CHRDL2: variants seen among roughly 807,000 people sequenced by gnomAD.
CHRDL2 encodes the protein chordin-like protein 2.
In CHRDL2, 41 loss-of-function variants were observed where a neutral mutation model predicts 54.3. That is an observed-to-expected ratio of 0.76 (90% confidence interval 0.59 to 0.98). The LOEUF (loss-of-function observed/expected upper bound fraction) is 0.98, where lower values mean the gene tolerates loss of function less well. Among genes scored for constraint, CHRDL2 ranks in the 50% least tolerant of loss-of-function variants. The pLI is 0.00. For synonymous variants in CHRDL2, 220 were observed against 224.3 expected (o/e 0.98, Z 0.17); for missense variants, 518 against 562.4 (o/e 0.92, Z 0.80).
At position 74,730,957 on chromosome 11, in the gene CHRDL2, A is replaced by C. The variant is rs1430969944; in HGVS notation, c.-69T>G. 2 of 1,322,012 alleles carry C rather than the reference A, an allele frequency of 1.5e-6. No homozygotes were observed. Among genetic ancestry groups the C allele is most frequent in the African/African-American group, 2.9e-5 (2 of 69,130 alleles). 81.9% of individuals were successfully genotyped at this position (1,322,012 alleles called of 1,614,324 possible). A position where few individuals can be genotyped will look rare whatever the true frequency, so the allele number is the denominator to read the frequency against. On this transcript the variant is annotated 5_prime_UTR_variant, in exon 1 of 11. Transcript: ENST00000376332. ...AGGAAGGGAGACGAAAAGGACACGG[A>C]GGCACAGGGGCCACAGATCAACCCA...
chr11:74,697,100 A>C (rs1426231316), intron 10 of CHRDL2, 105 bp downstream of exon 10: 3 of 811,016 alleles, frequency 3.7e-6, no homozygotes, highest in Non-Finnish European at 6.2e-6. Context: ...TGTGGCTGAC[A>C]GCCCCTCCTC....
Position 74,706,479 on chromosome 11 carries a change from GCACTCAC to G in CHRDL2, c.582+1_582+7del. 6.2e-7 allele frequency: 1 copy of G among 1,613,846 alleles called. No homozygotes were observed. Among genetic ancestry groups the G allele is most frequent in the Non-Finnish European group, 8.5e-7 (1 of 1,179,790 alleles). On this transcript the variant is annotated splice_donor_variant and splice_donor_5th_base_variant and intron_variant, in intron 6 of 10. Transcript: ENST00000376332. LOFTEE classifies it high-confidence loss of function. ...TCCCGCACCCCGTCAATAAGGCCGT[GCACTCAC>G]CACCCCATGGAGCGACTGCACACTG...
chr11:74,711,076 G>C (rs1326679224), intron 3 of CHRDL2, 85 bp from the exon 4 acceptor site: 2 of 1,452,734 alleles, frequency 1.4e-6, no homozygotes, highest in Non-Finnish European at 1.9e-6. Flanking sequence ...CTTTTCTGAT[G>C]ATTTTGCATT....
chr11:74,724,079 C>A (rs1386800808), intron 1 of CHRDL2, among the ~76,000 whole-genome samples: 1 of 152,220 alleles, frequency 6.6e-6, no homozygotes, highest in Admixed American at 6.5e-5. Flanking sequence ...CAGATAGATA[C>A]AATACATTCA....
At position 74,710,914 on chromosome 11, in the gene CHRDL2, T is replaced by C. The variant is rs756771375; in HGVS notation, c.367A>G (p.Ile123Val). The change falls in exon 4 of 11, where the codon ATC becomes GTC. Residue 123 changes from isoleucine to valine, a missense_variant. By Grantham distance (29) the Ile-to-Val change is conservative. Coordinates refer to ENST00000376332, the MANE Select transcript of CHRDL2 (RefSeq NM_001278473.3). ...GGGAACAGCTCATGGGCACTGAAGA[T>C]CTCTCCGTGTTGGTACATGGTCCCG... ...HNGTMYQHGE[I>V]FSAHELFPSR... 1.1e-5 allele frequency: 17 copies of C among 1,613,964 alleles called. No individual in the cohort carries two copies. The highest frequency in any genetic ancestry group is 1.4e-5 in the Non-Finnish European group (16 of 1,180,012).
chr11:74,698,714 CA>C lies in CHRDL2; in HGVS notation c.1121-1418del, dbSNP rs774298910. The stretch of plus-strand genomic sequence containing the variant: ...ACACACACACACACACACACACACA[CA>C]CACACACCCCACATACCCAGTCTAG... On this transcript the variant is annotated intron_variant, in intron 9 of 10. Coordinates refer to ENST00000376332, the MANE Select transcript of CHRDL2 (RefSeq NM_001278473.3). The C allele has an allele frequency of 3.3e-3, 493 of 150,122 alleles. 6 individuals are homozygous for C. Among genetic ancestry groups the C allele is most frequent in the East Asian group, 0.018 (95 of 5,172 alleles). 9.3% of individuals were successfully genotyped at this position (150,122 alleles called of 1,614,324 possible).
Position 74,702,837 on chromosome 11 carries a change from C to T in CHRDL2, c.1077G>A (p.Glu359=). 6.2e-7 allele frequency: 1 copy of T among 1,614,060 alleles called. No homozygotes were observed. Among genetic ancestry groups the T allele is most frequent in the Non-Finnish European group, 8.5e-7 (1 of 1,179,988 alleles). The change falls in exon 9 of 11, where the codon GAG becomes GAA. Residue 359 remains glutamate, a synonymous_variant. Coordinates refer to ENST00000376332, the MANE Select transcript of CHRDL2 (RefSeq NM_001278473.3). ...DNLRRFALEH[E]ASDLVEIYLW... Reference sequence around the variant, plus strand: ...GGTAGATCTCCACCAAGTCCGAGGCCTCGTGTTCCAGGGCAAAGCGACGCA... The same window carrying T: ...GGTAGATCTCCACCAAGTCCGAGGCTTCGTGTTCCAGGGCAAAGCGACGCA...
At chr11:74,704,971 G>T (rs112254138) in intron 6 of CHRDL2, among the ~76,000 whole-genome samples, 20 of 152,222 alleles carry the variant, frequency 1.3e-4, no homozygotes, top group African/African-American at 4.8e-4. Context: ...TCTGACAGAC[G>T]TAACTGATCA....
intron 9 of CHRDL2, 28 bp from the exon 10 acceptor site, chr11:74,697,325 G>A: frequency 6.3e-7 from 1 of 1,585,790 alleles, no homozygotes; most frequent in Non-Finnish European, 8.7e-7. Context: ...GATGTGAGCA[G>A]GCAAGGCAAA....
At chr11:74,717,420 A>T (rs972483402) in intron 2 of CHRDL2, among the ~76,000 whole-genome samples, 1 of 152,232 alleles carries the variant, frequency 6.6e-6, no homozygotes, top group Admixed American at 6.5e-5. Context: ...ATTTTCTGTT[A>T]TGATTTCCTT....
rs1356601279 is a variant in CHRDL2, at chr11:74,713,446, G to T, written c.229C>A (p.Pro77Thr). The T allele has an allele frequency of 1.9e-6, 3 of 1,614,168 alleles. No individual in the cohort carries two copies. The highest frequency in any genetic ancestry group is 1.1e-5 in the South Asian group (1 of 91,084). The change falls in exon 3 of 11, where the codon CCG (proline) becomes ACG (threonine). Residue 77 changes from proline to threonine, a missense_variant. By Grantham distance (38) the Pro-to-Thr change is conservative (BLOSUM62 -1). Coordinates refer to ENST00000376332, the MANE Select transcript of CHRDL2 (RefSeq NM_001278473.3). Reference sequence around the variant, plus strand: ...ACAGGCTGGGGGCAGTGGACAGGCGGACAGTGGAGGCGGTAACAACTCACA... The same window carrying T: ...ACAGGCTGGGGGCAGTGGACAGGCGTACAGTGGAGGCGGTAACAACTCACA... ...AHVSCYRLHC[P>T]PVHCPQPVTE...
chr11:74,704,622 A>T lies in CHRDL2; in HGVS notation c.615T>A (p.Ala205=), dbSNP rs756979347. 1.9e-6 allele frequency: 3 copies of T among 1,605,322 alleles called. No homozygotes were observed. The East Asian group carries it at 6.8e-5, about 36-fold the overall frequency. ...GGGTGCCCGGGCCTCTCTTTCTCCC[A>T]GCATCACTGGAACATGGATCCTGAG... ...RHPQDPCSSD[A]GRKRGPGTPA... Residue 205 remains alanine (A), a synonymous_variant, in exon 7 of 11, where the codon GCT becomes GCA. Transcript: ENST00000376332.
rs565508633 is a variant in CHRDL2, at chr11:74,703,182, A to C, written c.946+123T>G. On this transcript the variant is annotated intron_variant, in intron 8 of 10. Transcript: ENST00000376332. ...CTCCTGTGTGTCTGACATGCCCTGC[A>C]TCCTGTGGCACCGATGCATGCCCTT... 20 of 1,231,670 alleles carry C rather than the reference A, an allele frequency of 1.6e-5. No homozygotes were observed. The East Asian group carries it at 3.9e-4, about 24-fold the overall frequency. 76.3% of individuals were successfully genotyped at this position (1,231,670 alleles called of 1,614,324 possible).
chr11:74,701,118 C>T (rs1442110593), intron 9 of CHRDL2: 1 of 153,078 alleles, frequency 6.5e-6, no homozygotes, highest in Non-Finnish European at 1.5e-5. Flanking sequence ...TGAAAGCTGC[C>T]TCTCTGCATT....
At chr11:74,699,591 C>G (rs2033732644) in intron 9 of CHRDL2, 1 of 152,268 alleles carries the variant, frequency 6.6e-6, no homozygotes, top group Non-Finnish European at 1.5e-5. Context: ...AGGGGGGCTT[C>G]CTTCCTAGAC....
In CHRDL2 at chr11:74,706,499, C is replaced by A. The variant is rs112976652; in HGVS notation, c.570G>T (p.Ser190=). 1.2e-6 allele frequency: 2 copies of A among 1,614,026 alleles called. No individual in the cohort carries two copies. The highest frequency in any genetic ancestry group is 1.7e-6 in the Non-Finnish European group (2 of 1,179,918). The change falls in exon 6 of 11, where the codon TCG becomes TCT. Residue 190 remains serine, a synonymous_variant. Transcript: ENST00000376332. ...EQSDEEDSVQ[S]LHGVRHPQDP... ...GCCGTGCACTCACCACCCCATGGAG[C>A]GACTGCACACTGTCCTCTTCATCCG...
chr11:74,697,594 AC>A (rs2033644692), intron 9 of CHRDL2: 1 of 499,504 alleles, frequency 2.0e-6, no homozygotes, highest in African/African-American at 1.9e-5. Context: ...GAACATGTAT[AC>A]GTCACCCTGT....
Position 74,713,360 on chromosome 11 carries a change from C to T in CHRDL2, c.289+26G>A, listed in dbSNP as rs201758402. On this transcript the variant is annotated intron_variant, in intron 3 of 10. Transcript: ENST00000376332. ...TGGGAGTAGGAGAAAGGTCCATGGA[C>T]GATGGGGAGGAGCATGGCTACTTAC... is the stretch of plus-strand genomic sequence containing the variant. 1.6e-4 allele frequency: 254 copies of T among 1,598,352 alleles called. No individual in the cohort carries two copies. The African/African-American group carries it at 1.8e-3, about 11-fold the overall frequency.
chr11:74,708,509 G>A (rs926088480), intron 4 of CHRDL2, 114 bp from the exon 5 acceptor site: 2 of 745,266 alleles, frequency 2.7e-6, no homozygotes, highest in Non-Finnish European at 4.2e-6. Context: ...CCTATGGTGG[G>A]GAGGGGAAGC....
Sources: allele counts gnomAD v4.1 joint callset (sites outside exome capture counted in the v4.1 genomes callset), GRCh38; gene constraint gnomAD v4.1.1; transcripts MANE v1.5; gene names NCBI Gene and HGNC (gene_info 2026-07-23, HGNC 2026-07-21).